Variants in GPR155 observed in about 807,000 individuals in gnomAD.
GPR155 encodes the protein G protein-coupled receptor 155, also known as lysosomal cholesterol signaling protein.
In GPR155, 65 loss-of-function variants were observed where a neutral mutation model predicts 93.1. The observed-to-expected ratio is 0.70, with a 90% CI of 0.57 to 0.86. The LOEUF (loss-of-function observed/expected upper bound fraction) is 0.86, where lower values mean the gene tolerates loss of function less well. Among genes scored for constraint, GPR155 ranks in the 40% least tolerant of loss-of-function variants. The pLI is 0.00. For synonymous variants in GPR155, 319 were observed against 360.1 expected, an observed-to-expected ratio of 0.89 and a Z score of 1.29; for missense variants, 838 against 1,034.8, an observed-to-expected ratio of 0.81 and a Z score of 2.61.
At chr2:174,470,152 G>A (rs1231243210) in intron 4 of GPR155, among the ~76,000 whole-genome samples, 2 of 152,230 alleles carry the variant, frequency 1.3e-5, no homozygotes, top group East Asian at 3.9e-4. Flanking sequence ...AAACAACATT[G>A]CTTTCTATGT....
At position 174,439,972 on chromosome 2, in the gene GPR155, T is replaced by C; in HGVS notation, c.2238A>G (p.Glu746=). The change falls in exon 15 of 16, where the codon GAA becomes GAG. Residue 746 remains glutamate, a synonymous_variant. Coordinates refer to ENST00000392552, the MANE Select transcript of GPR155 (RefSeq NM_152529.7). ...TAAATTGTTGACAGGTCATTTTTAT[T>C]TCCTCTGAAACAGGAGAATCCCTGT... ...AENRDSPVSE[E]IKMTCQQFIH... is the part of the protein sequence containing the mutation. The C allele has an allele frequency of 6.2e-7, 1 of 1,611,494 alleles. No individual in the cohort carries two copies. The highest frequency in any genetic ancestry group is 1.1e-5 in the South Asian group (1 of 90,930).
chr2:174,460,910 T>A (rs927961823), intron 9 of GPR155, among the ~76,000 whole-genome samples: 1 of 151,466 alleles, frequency 6.6e-6, no homozygotes, highest in African/African-American at 2.4e-5. Flanking sequence ...AAAAAAAGAG[T>A]AAGAAATCAA....
At position 174,466,618 on chromosome 2, in the gene GPR155, G is replaced by T; in HGVS notation, c.1192C>A (p.Leu398Met). 1 of 1,573,014 alleles carries T rather than the reference G, an allele frequency of 6.4e-7. No homozygotes were observed. The highest frequency in any genetic ancestry group is 1.1e-5 in the South Asian group (1 of 88,222). ...IVSLISLIWS[L>M]AILLLSKKYK... ...TTCTTACTCAAAAGAAGAATAGCCA[G>T]AGACCAGATCTTGAAGACAAAAGGT... is the stretch of plus-strand genomic sequence containing the variant. Residue 398 changes from leucine (L) to methionine (M), a missense_variant, in exon 6 of 16, where the codon CTG (leucine) becomes ATG (methionine). Physicochemically the swap from Leu to Met is conservative, Grantham distance 15. Coordinates refer to ENST00000392552, the MANE Select transcript of GPR155 (RefSeq NM_152529.7).
rs372820612 is a variant in GPR155 at position 174,457,107 on chromosome 2, T to C, written c.1771+2771A>G. 1.1e-3 allele frequency among the ~76,000 whole-genome samples: 160 copies of C among 152,260 alleles called. 7 individuals carry two copies. In the South Asian group the frequency reaches 0.033, roughly 31 times the overall value. On this transcript the variant is annotated intron_variant, in intron 10 of 15. Coordinates refer to ENST00000392552, the MANE Select transcript of GPR155 (RefSeq NM_152529.7). ...CAGGCAGATCACTTGAGGTCAGAAG[T>C]TCGAGACCAGCCTGGCCAACATGGT...
intron 15 of GPR155, among the ~76,000 whole-genome samples, chr2:174,437,829 CCA>C (rs949479346): frequency 6.6e-5 from 10 of 151,502 alleles, no homozygotes; most frequent in Admixed American, 5.3e-4. Context: ...GGTGATCTGC[CCA>C]CCTCAGCCTC....
intron 11 of GPR155, among the ~76,000 whole-genome samples, chr2:174,450,769 C>G (rs957525233): frequency 5.9e-5 from 9 of 152,092 alleles, no homozygotes; most frequent in African/African-American, 2.2e-4. Context: ...TAGCTCTTGC[C>G]CTCAAGCTAA....
chr2:174,439,382 T>C (rs999790375), intron 15 of GPR155, among the ~76,000 whole-genome samples: 2 of 152,196 alleles, frequency 1.3e-5, no homozygotes, highest in Non-Finnish European at 2.9e-5. Context: ...GAACCTGCTA[T>C]ATACTTCATA....
intron 2 of GPR155, 72 bp downstream of exon 2, chr2:174,481,425 C>T (rs1334521063): frequency 2.4e-5 from 21 of 868,194 alleles, no homozygotes; most frequent in Non-Finnish European, 2.3e-5. Context: ...GAGTAAGAAT[C>T]TGTTACTAAC....
chr2:174,440,274 A>T (rs1248029371), intron 14 of GPR155, among the ~76,000 whole-genome samples: 1 of 152,224 alleles, frequency 6.6e-6, no homozygotes, highest in Non-Finnish European at 1.5e-5. Flanking sequence ...CTGGGGTGGA[A>T]GACTTAATCA....
rs1299240176 is a variant in GPR155, at chr2:174,481,701, A to G, written c.256T>C (p.Leu86=). 6.2e-7 allele frequency: 1 copy of G among 1,614,194 alleles called. No homozygotes were observed. Among genetic ancestry groups the G allele is most frequent in the Non-Finnish European group, 8.5e-7 (1 of 1,179,990 alleles). Residue 86 remains leucine (L), a synonymous_variant, in exon 2 of 16, where the codon TTA becomes CTA. Coordinates refer to ENST00000392552, the MANE Select transcript of GPR155 (RefSeq NM_152529.7). ...TTAAGTACAACCATGTTTTTGAATA[A>G]TAAAGCTGGAAGTGCAAATCTGGAG... ...FVSRFALPAL[L]FKNMVVLNFS... is the part of the protein sequence containing the mutation.
chr2:174,438,839 C>G (rs116430357), intron 15 of GPR155, among the ~76,000 whole-genome samples: 543 of 152,288 alleles, frequency 3.6e-3, no homozygotes, highest in African/African-American at 0.012. Context: ...CGAAACTATT[C>G]ATAGATGGCA....
chr2:174,444,192 G>A (rs1448766551), intron 13 of GPR155, among the ~76,000 whole-genome samples: 2 of 152,060 alleles, frequency 1.3e-5, no homozygotes, highest in Non-Finnish European at 2.9e-5. Flanking sequence ...TGAGGTGGGT[G>A]GATCTCCTGA....
intron 13 of GPR155, 89 bp from the exon 14 acceptor site, chr2:174,442,272 T>C: frequency 2.7e-6 from 2 of 746,358 alleles, no homozygotes; most frequent in South Asian, 2.9e-5. Flanking sequence ...ATTTAGTGTT[T>C]GAGGAGACAA....
In GPR155 at chr2:174,446,734, C is replaced by A. The variant is rs1300266914; in HGVS notation, c.1890G>T (p.Val630=). The part of the protein sequence containing the change: ...IPSFEKNNHC[V]SRCNSQSCIL... The stretch of plus-strand genomic sequence containing the variant: ...TGCAGCTCTGGGAGTTACAGCGACT[C>A]ACACAATGATTGTCTATAAAAGAGT... The change falls in exon 12 of 16, where the codon GTG becomes GTT. Residue 630 remains valine (V), a synonymous_variant. Coordinates refer to ENST00000392552, the MANE Select transcript of GPR155 (RefSeq NM_152529.7). 2 of 1,613,798 alleles carry A rather than the reference C, an allele frequency of 1.2e-6. No homozygotes were observed. The highest frequency in any genetic ancestry group is 2.7e-5 in the African/African-American group (2 of 74,912).
chr2:174,473,456 A>T, intron 2 of GPR155, 92 bp from the exon 3 acceptor site: 1 of 864,080 alleles, frequency 1.2e-6, no homozygotes, highest in Non-Finnish European at 1.7e-6. Context: ...TATAGCAATG[A>T]TAAATCTAAA....
intron 11 of GPR155, among the ~76,000 whole-genome samples, chr2:174,452,393 C>G (rs940347050): frequency 4.6e-5 from 7 of 152,150 alleles, no homozygotes; most frequent in Non-Finnish European, 1.5e-5. Context: ...ACATACTGTG[C>G]TAAGTGATTT....
At chr2:174,455,305 G>T (rs1182816822) in intron 10 of GPR155, among the ~76,000 whole-genome samples, 2 of 152,196 alleles carry the variant, frequency 1.3e-5, no homozygotes, top group African/African-American at 4.8e-5. Context: ...GCCGAGTGCT[G>T]GACGGACCAA....
chr2:174,469,957 G>T (rs1687945713), intron 4 of GPR155, among the ~76,000 whole-genome samples: 1 of 152,126 alleles, frequency 6.6e-6, no homozygotes, highest in Admixed American at 6.5e-5. Context: ...TGCCTCCTGG[G>T]TTCAAACAAA....
chr2:174,461,696 G>C (rs757062085), intron 7 of GPR155, 24 bp from the exon 8 acceptor site: 4 of 1,283,474 alleles, frequency 3.1e-6, no homozygotes, highest in South Asian at 2.4e-5. Flanking sequence ...GATTGAAAGA[G>C]AGACAGTTAC....
Sources: gnomAD v4.1 joint callset for allele counts (sites outside exome capture counted in the v4.1 genomes callset) on GRCh38, gnomAD v4.1.1 for gene constraint, MANE v1.5 for transcripts, NCBI Gene and HGNC (gene_info 2026-07-23, HGNC 2026-07-21) for gene names.